Variants in PRKCA observed in about 807,000 individuals in gnomAD.
PRKCA encodes protein kinase C alpha type.
In PRKCA, 27 loss-of-function variants were observed where a neutral mutation model predicts 87.0. That is an observed-to-expected ratio of 0.31 (90% CI 0.23 to 0.43). The LOEUF is 0.43. Ranked by LOEUF, PRKCA falls within the 20% of genes least tolerant of loss-of-function variation. PRKCA has a pLI of 1.00. For synonymous variants in PRKCA, 329 were observed against 311.1 expected, an observed-to-expected ratio of 1.06 and a Z score of -0.61; for missense variants, 518 against 852.3, an observed-to-expected ratio of 0.61 and a Z score of 4.88.
rs772638644 is a variant in PRKCA, at chr17:66,741,692, C to T, written c.1356C>T (p.Phe452=). The change falls in exon 12 of 17, where the codon TTC becomes TTT. Residue 452 remains phenylalanine (F), a synonymous_variant. Coordinates refer to ENST00000413366, the MANE Select transcript of PRKCA (RefSeq NM_002737.3). ...FYAAEISIGL[F]FLHKRGIIYR... ...CGGCAGAGATTTCCATCGGATTGTT[C>T]TTTCTTCATAAAAGAGGAATCATTT... The T allele has an allele frequency of 2.5e-6, 4 of 1,614,014 alleles. No homozygotes were observed. In the African/African-American group the frequency reaches 5.3e-5, roughly 22 times the overall value.
At chr17:66,387,820 G>A (rs185955887) in intron 2 of PRKCA, among the ~76,000 whole-genome samples, 1 of 152,320 alleles carries the variant, frequency 6.6e-6, no homozygotes, top group Admixed American at 6.5e-5. Context: ...GAGGCCACTT[G>A]ACATGGCGAT....
In PRKCA at chr17:66,808,519, T is replaced by TA. The variant is rs1449742368; in HGVS notation, c.*4482_*4483insA. The TA allele has an allele frequency of 6.6e-6, 1 of 151,908 alleles. No individual in the cohort carries two copies. Among genetic ancestry groups the TA allele is most frequent in the African/African-American group, 2.4e-5 (1 of 41,188 alleles). The allele number at this position is 151,908 out of a possible 1,614,324, so 9.4% of individuals were successfully genotyped here. A position where few individuals can be genotyped will look rare whatever the true frequency, so the allele number is the denominator to read the frequency against. On this transcript the variant is annotated 3_prime_UTR_variant, in exon 17 of 17. Transcript: ENST00000413366. ...CTTTATAACCCGACAAGGGTAGGAG[T>TA]GCCTGTTTCCCCTGCTGGGCACACC...
intron 14 of PRKCA, 51 bp from the exon 15 acceptor site, chr17:66,786,816 A>G (rs754480937): frequency 1.3e-6 from 2 of 1,495,068 alleles, no homozygotes; most frequent in South Asian, 1.2e-5. Flanking sequence ...CACCATGTGA[A>G]TGAATTACTC....
chr17:66,735,132 T>C (rs1254352750), intron 9 of PRKCA, among the ~76,000 whole-genome samples: 1 of 152,218 alleles, frequency 6.6e-6, no homozygotes, highest in African/African-American at 2.4e-5. Flanking sequence ...TGAGAGATTA[T>C]AAATGTCAGT....
chr17:66,738,810 T>C lies in PRKCA; in HGVS notation c.1277T>C (p.Met426Thr), dbSNP rs565487208. 1 of 1,613,894 alleles carries C rather than the reference T, an allele frequency of 6.2e-7. No homozygotes were observed. The highest frequency in any genetic ancestry group is 1.3e-5 in the African/African-American group (1 of 75,028). Residue 426 changes from methionine (M) to threonine (T), a missense_variant, in exon 11 of 17, where the codon ATG becomes ACG. Met to Thr is a moderately conservative substitution (Grantham distance 81). Coordinates refer to ENST00000413366, the MANE Select transcript of PRKCA (RefSeq NM_002737.3). ...GAATATGTCAACGGTGGGGACCTCA[T>C]GTACCACATTCAGCAAGTAGGAAAA... Reference protein sequence around the residue: ...VMEYVNGGDLMYHIQQVGKFK... With the variant: ...VMEYVNGGDLTYHIQQVGKFK...
At chr17:66,479,442 A>C (rs947842269) in intron 2 of PRKCA, among the ~76,000 whole-genome samples, 1 of 152,210 alleles carries the variant, frequency 6.6e-6, no homozygotes, top group Non-Finnish European at 1.5e-5. Context: ...GCAAGACAGT[A>C]TGGCCATTCT....
intron 3 of PRKCA, among the ~76,000 whole-genome samples, chr17:66,565,101 G>A (rs1199518831): frequency 6.6e-6 from 1 of 152,188 alleles, no homozygotes; most frequent in Non-Finnish European, 1.5e-5. Flanking sequence ...TATTATGGAT[G>A]TAACTTTTGG....
At chr17:66,501,804 G>A (rs1916745661) in intron 3 of PRKCA, among the ~76,000 whole-genome samples, 1 of 152,224 alleles carries the variant, frequency 6.6e-6, no homozygotes, top group Non-Finnish European at 1.5e-5. Context: ...ACATGGGCAG[G>A]TAGAAGTCGA....
Position 66,449,377 on chromosome 17 carries a change from C to T in PRKCA, c.206-46824C>T, listed in dbSNP as rs531724860. Among the ~76,000 whole-genome samples, 229 of 151,924 alleles carry T rather than the reference C, an allele frequency of 1.5e-3. No individual in the cohort carries two copies. The Middle Eastern group carries it at 0.02, about 14-fold the overall frequency. On this transcript the variant is annotated intron_variant, in intron 2 of 16. Transcript: ENST00000413366. ...GAGAGATTGAGGAATTTTTTGGTAA[C>T]TCCTTAGCTATATTGCCTTTAAAAA...
At chr17:66,753,037 G>T (rs930484872) in intron 13 of PRKCA, among the ~76,000 whole-genome samples, 2 of 152,138 alleles carry the variant, frequency 1.3e-5, no homozygotes, top group African/African-American at 4.8e-5. Context: ...TTACCAAGAG[G>T]CAAAATTGAG....
In PRKCA at chr17:66,792,221, C is replaced by T. The variant is rs1416854503; in HGVS notation, c.1854+3242C>T. Among the ~76,000 whole-genome samples, 6 of 152,158 alleles carry T rather than the reference C, an allele frequency of 3.9e-5. No homozygotes were observed. The highest frequency in any genetic ancestry group is 2.6e-4 in the Admixed American group (4 of 15,286). On this transcript the variant is annotated intron_variant, in intron 16 of 16. Coordinates refer to ENST00000413366, the MANE Select transcript of PRKCA (RefSeq NM_002737.3). This position sits in a 1 kb window ranked among gnomAD's most constrained non-coding sequence, Gnocchi z 4.5. Reference sequence around the variant, plus strand: ...AAGGACAGGTAGCTGTTCTCACGTGCGGTGATGCTCCTGGCTCCCATGGAA... The same window carrying T: ...AAGGACAGGTAGCTGTTCTCACGTGTGGTGATGCTCCTGGCTCCCATGGAA...
intron 2 of PRKCA, among the ~76,000 whole-genome samples, chr17:66,473,446 CT>C (rs1221127856): frequency 3.9e-5 from 6 of 152,204 alleles, no homozygotes; most frequent in Non-Finnish European, 7.4e-5. Context: ...CAGCCCTTCC[CT>C]TGTAACAGCC....
chr17:66,780,915 C>T (rs1392157668), intron 14 of PRKCA, among the ~76,000 whole-genome samples: 1 of 151,662 alleles, frequency 6.6e-6, no homozygotes, highest in Non-Finnish European at 1.5e-5. Flanking sequence ...CAAGACCAGC[C>T]TGGTCAACAT....
intron 3 of PRKCA, among the ~76,000 whole-genome samples, chr17:66,562,614 T>C (rs1321965631): frequency 3.3e-5 from 5 of 152,022 alleles, no homozygotes; most frequent in Admixed American, 2.6e-4. Flanking sequence ...GTTGTTGTTT[T>C]TTGGCAGAGT....
chr17:66,703,167 CTT>C (rs1267294289), intron 8 of PRKCA, among the ~76,000 whole-genome samples: 1 of 152,130 alleles, frequency 6.6e-6, no homozygotes, highest in Non-Finnish European at 1.5e-5. Context: ...ACTTTATAAA[CTT>C]TTAAAAAAGT....
intron 3 of PRKCA, among the ~76,000 whole-genome samples, 184 bp downstream of exon 3, chr17:66,496,467 G>C (rs1916478353): frequency 6.6e-6 from 1 of 152,168 alleles, no homozygotes; most frequent in African/African-American, 2.4e-5. Flanking sequence ...ACATCTTAGA[G>C]AATTTCTCAG....
At chr17:66,327,586 G>A (rs934131881) in intron 2 of PRKCA, among the ~76,000 whole-genome samples, 11 of 151,974 alleles carry the variant, frequency 7.2e-5, no homozygotes, top group East Asian at 5.8e-4. Context: ...TCCCGTAACC[G>A]CCAGCTATCT....
intron 3 of PRKCA, among the ~76,000 whole-genome samples, chr17:66,617,573 A>G (rs1970550620): frequency 6.6e-6 from 1 of 152,208 alleles, no homozygotes; most frequent in South Asian, 2.1e-4. Context: ...AGAAGCAGGT[A>G]GATCTGCCTC....
chr17:66,610,868 A>G lies in PRKCA; in HGVS notation c.289-30487A>G, dbSNP rs56245722. Among the ~76,000 whole-genome samples the G allele has an allele frequency of 2.1e-3, 323 of 152,322 alleles. 1 individual carries two copies. The highest frequency in any genetic ancestry group is 7.4e-3 in the African/African-American group (309 of 41,582). ...TTGGGTGGGAAAGGAGAGACTGTCCATTACAGTACAAGGCATGTCAGGGTG... is the reference window on the plus strand; with the variant it reads ...TTGGGTGGGAAAGGAGAGACTGTCCGTTACAGTACAAGGCATGTCAGGGTG... On this transcript the variant is annotated intron_variant, in intron 3 of 16. Coordinates refer to ENST00000413366, the MANE Select transcript of PRKCA (RefSeq NM_002737.3).
Sources: gnomAD v4.1 joint callset for allele counts (sites outside exome capture counted in the v4.1 genomes callset) on GRCh38, gnomAD v4.1.1 for gene constraint, Gnocchi (gnomAD v3.1) non-coding constraint, MANE v1.5 for transcripts, NCBI Gene and HGNC (gene_info 2026-07-23, HGNC 2026-07-21) for gene names.